Variants in CDK14 observed in about 807,000 individuals in gnomAD.
The protein encoded by CDK14 is cyclin-dependent kinase 14.
CDK14 carries 34 observed loss-of-function variants against 60.7 expected under a neutral mutation model. The ratio of observed to expected loss-of-function variants is 0.56; its 90% CI spans 0.43 to 0.75. The LOEUF is 0.75. CDK14 is among the 30% of genes least tolerant of loss of function. CDK14 has a pLI of 0.00. For synonymous variants in CDK14, 197 were observed against 203.7 expected (o/e 0.97, Z 0.28); for missense variants, 482 against 564.1 (o/e 0.85, Z 1.47).
intron 8 of CDK14, among the ~76,000 whole-genome samples, chr7:90,950,859 G>A (rs1398921315): frequency 2.6e-5 from 4 of 152,180 alleles, no homozygotes; most frequent in Non-Finnish European, 5.9e-5. Flanking sequence ...TTGTCAAGTA[G>A]AGAGAAAAGA....
At chr7:90,908,377 ATT>A (rs1469754682) in intron 7 of CDK14, among the ~76,000 whole-genome samples, 4 of 152,164 alleles carry the variant, frequency 2.6e-5, no homozygotes, top group Non-Finnish European at 5.9e-5. Context: ...AGGCCAGCTA[ATT>A]AAACAGTACA....
chr7:91,086,727 C>T (rs1798653520), intron 12 of CDK14, among the ~76,000 whole-genome samples: 1 of 152,020 alleles, frequency 6.6e-6, no homozygotes, highest in Non-Finnish European at 1.5e-5. Flanking sequence ...AAAACTACCA[C>T]ATTTTACAAA....
chr7:90,763,977 T>A (rs887171670), intron 4 of CDK14, among the ~76,000 whole-genome samples: 1 of 152,194 alleles, frequency 6.6e-6, no homozygotes, highest in African/African-American at 2.4e-5. Flanking sequence ...AATTATATGA[T>A]CATATTATAT....
At chr7:91,084,802 C>A (rs1350953638) in intron 12 of CDK14, among the ~76,000 whole-genome samples, 1 of 152,202 alleles carries the variant, frequency 6.6e-6, no homozygotes, top group Non-Finnish European at 1.5e-5. Context: ...TGCTTTTCAT[C>A]CTTTCAGATT....
intron 2 of CDK14, among the ~76,000 whole-genome samples, chr7:90,636,323 T>G (rs1217797043): frequency 6.6e-6 from 1 of 152,232 alleles, no homozygotes; most frequent in African/African-American, 2.4e-5. Flanking sequence ...ATACCTGATT[T>G]ATTGAGAGTT....
At chr7:90,763,142 G>C (rs1340190329) in intron 4 of CDK14, among the ~76,000 whole-genome samples, 1 of 152,162 alleles carries the variant, frequency 6.6e-6, no homozygotes, top group Non-Finnish European at 1.5e-5. Context: ...AAACAACAGA[G>C]TGTCAAAATA....
chr7:90,750,271 C>T (rs1451053207), intron 4 of CDK14, among the ~76,000 whole-genome samples: 1 of 151,348 alleles, frequency 6.6e-6, no homozygotes, highest in Non-Finnish European at 1.5e-5. Flanking sequence ...AATTATAGTG[C>T]CAACATCTCC....
chr7:90,831,970 C>T (rs887532667), intron 5 of CDK14, among the ~76,000 whole-genome samples: 11 of 152,130 alleles, frequency 7.2e-5, no homozygotes, highest in Admixed American at 6.5e-4. Flanking sequence ...ACTCTCTGCC[C>T]TCTAATATTA....
chr7:91,069,580 A>T (rs1345477968), intron 11 of CDK14, among the ~76,000 whole-genome samples: 2 of 152,192 alleles, frequency 1.3e-5, no homozygotes, highest in Non-Finnish European at 2.9e-5. Flanking sequence ...ACACTGAAAA[A>T]GGACACCAAC....
intron 7 of CDK14, among the ~76,000 whole-genome samples, chr7:90,914,441 C>G (rs781470170): frequency 6.6e-6 from 1 of 152,196 alleles, no homozygotes; most frequent in Non-Finnish European, 1.5e-5. Context: ...GTGAGTTCCT[C>G]AAGTCTAGGG....
chr7:91,057,252 G>C (rs950351694), intron 11 of CDK14, among the ~76,000 whole-genome samples: 1 of 152,006 alleles, frequency 6.6e-6, no homozygotes, highest in Non-Finnish European at 1.5e-5. Flanking sequence ...TTGTTGATGG[G>C]GTTGTTTTTT....
intron 5 of CDK14, among the ~76,000 whole-genome samples, chr7:90,803,312 T>C (rs1031762602): frequency 2.0e-5 from 3 of 152,108 alleles, no homozygotes; most frequent in African/African-American, 4.8e-5. Context: ...TTTACCTATT[T>C]TCAGTTCAGA....
At chr7:91,005,004 T>C (rs936256409) in intron 10 of CDK14, among the ~76,000 whole-genome samples, 13 of 152,208 alleles carry the variant, frequency 8.5e-5, no homozygotes, top group Non-Finnish European at 8.8e-5. Flanking sequence ...CAGAATCTCA[T>C]TGGAGAAGGA....
In CDK14 at chr7:91,029,485, G is replaced by GT. The variant is rs764273408; in HGVS notation, c.1042-16401dup. ...GTTTTCATTTGTTTGTATCATTTCT[G>GT]TTTTTTTTTTTAATCGGTGTTTTAT... On this transcript the variant is annotated intron_variant, in intron 10 of 14. Coordinates refer to ENST00000380050, the MANE Select transcript of CDK14 (RefSeq NM_001287135.2). 4.5e-3 allele frequency among the ~76,000 whole-genome samples: 654 copies of GT among 143,988 alleles called. 4 individuals are homozygous for GT. Among genetic ancestry groups the GT allele is most frequent in the Admixed American group, 6.8e-3 (98 of 14,450 alleles). The allele number at this position is 143,988 out of a possible 152,430, so 94.5% of individuals were successfully genotyped here. A position where few individuals can be genotyped will look rare whatever the true frequency, so the allele number is the denominator to read the frequency against.
At chr7:91,070,419 T>G (rs1798108179) in intron 11 of CDK14, among the ~76,000 whole-genome samples, 1 of 152,200 alleles carries the variant, frequency 6.6e-6, no homozygotes, top group South Asian at 2.1e-4. Flanking sequence ...AGAAGAATCC[T>G]TAGCACATAT....
At chr7:90,740,487 A>C (rs1803302409) in intron 3 of CDK14, among the ~76,000 whole-genome samples, 1 of 152,074 alleles carries the variant, frequency 6.6e-6, no homozygotes, top group South Asian at 2.1e-4. Context: ...TCCTTGCAAG[A>C]AGTGTAGAGA....
At chr7:90,795,841 G>A (rs1220318393) in intron 5 of CDK14, among the ~76,000 whole-genome samples, 2 of 152,178 alleles carry the variant, frequency 1.3e-5, no homozygotes, top group South Asian at 2.1e-4. Flanking sequence ...GTTGGTGCTA[G>A]TCTTGGTCCA....
At chr7:90,717,016 A>G (rs1802272338) in intron 2 of CDK14, among the ~76,000 whole-genome samples, 2 of 152,186 alleles carry the variant, frequency 1.3e-5, no homozygotes, top group South Asian at 4.1e-4. Context: ...TAACTTTTCC[A>G]GATGAAATTC....
At chr7:91,155,627 G>A (rs536401491) in intron 14 of CDK14, among the ~76,000 whole-genome samples, 1 of 152,176 alleles carries the variant, frequency 6.6e-6, no homozygotes, top group African/African-American at 2.4e-5. Flanking sequence ...TAAGCATTTG[G>A]TTCATGTAAC....
Sources: gnomAD v4.1 joint callset for allele counts (sites outside exome capture counted in the v4.1 genomes callset) on GRCh38, gnomAD v4.1.1 for gene constraint, MANE v1.5 for transcripts, NCBI Gene and HGNC (gene_info 2026-07-23, HGNC 2026-07-21) for gene names.